DLG1: variants seen among roughly 807,000 people sequenced by gnomAD.
The protein encoded by DLG1 is discs large MAGUK scaffold protein 1, also known as disks large homolog 1.
DLG1 carries 42 observed loss-of-function variants against 123.4 expected under a neutral mutation model. That is an observed-to-expected ratio of 0.34 (90% CI 0.27 to 0.44). The LOEUF (loss-of-function observed/expected upper bound fraction) is 0.44. Ranked by LOEUF, DLG1 falls within the 20% of genes least tolerant of loss-of-function variation. The pLI is 1.00. For synonymous variants in DLG1, 317 were observed against 356.2 expected (o/e 0.89, Z 1.24); for missense variants, 942 against 1,082.6 (o/e 0.87, Z 1.82).
At chr3:197,216,498 A>G (rs563548886) in intron 4 of DLG1, among the ~76,000 whole-genome samples, 4 of 152,294 alleles carry the variant, frequency 2.6e-5, no homozygotes, top group South Asian at 4.1e-4. Context: ...TCCTCTCCCA[A>G]TGGAGTCACA....
At position 197,244,183 on chromosome 3, in the gene DLG1, A is replaced by G. The variant is rs554554383; in HGVS notation, c.318+38496T>C. On this transcript the variant is annotated intron_variant, in intron 4 of 24. Coordinates refer to ENST00000667157, the MANE Select transcript of DLG1 (RefSeq NM_001366207.1). ...ACATGAGGTAAAACTGGCATGGGGA[A>G]ATGGAAGCTTGATGGCCCTTGGGGG... is the stretch of plus-strand genomic sequence containing the variant. Among the ~76,000 whole-genome samples the G allele has an allele frequency of 5.3e-5, 8 of 152,320 alleles. No individual in the cohort carries two copies. The South Asian group carries it at 1.7e-3, about 32-fold the overall frequency.
chr3:197,214,350 G>A (rs2150428937), intron 4 of DLG1, among the ~76,000 whole-genome samples: 1 of 152,196 alleles, frequency 6.6e-6, no homozygotes, highest in African/African-American at 2.4e-5. Context: ...CGAGGTGGGA[G>A]GATCATGAGG....
intron 20 of DLG1, 78 bp downstream of exon 20, chr3:197,066,626 G>C: frequency 9.2e-7 from 1 of 1,082,302 alleles, no homozygotes; most frequent in South Asian, 1.6e-5. Flanking sequence ...CATTTTTTGG[G>C]GTATGAGAAT....
At chr3:197,053,126 A>T (rs1306692525) in intron 23 of DLG1, among the ~76,000 whole-genome samples, 1 of 152,234 alleles carries the variant, frequency 6.6e-6, no homozygotes, top group Non-Finnish European at 1.5e-5. Context: ...AAGATTGGTC[A>T]TAAGTGGATA....
chr3:197,283,872 T>C (rs2151165934), intron 3 of DLG1, among the ~76,000 whole-genome samples: 1 of 149,730 alleles, frequency 6.7e-6, no homozygotes, highest in South Asian at 2.2e-4. Context: ...TTTTTTTTTT[T>C]TTTTTTTGAG....
chr3:197,267,042 A>C (rs1013567548), intron 4 of DLG1, among the ~76,000 whole-genome samples: 2 of 152,214 alleles, frequency 1.3e-5, no homozygotes, highest in Non-Finnish European at 2.9e-5. Flanking sequence ...ACCAAATTCA[A>C]GACAGAGGTT....
intron 5 of DLG1, among the ~76,000 whole-genome samples, chr3:197,161,101 C>T (rs1235799395): frequency 6.6e-6 from 1 of 152,074 alleles, no homozygotes; most frequent in Non-Finnish European, 1.5e-5. Flanking sequence ...AATTTTACAA[C>T]AGATTTACAG....
At chr3:197,158,161 CAT>C (rs1458818050) in intron 5 of DLG1, among the ~76,000 whole-genome samples, 4 of 152,138 alleles carry the variant, frequency 2.6e-5, no homozygotes, top group Admixed American at 1.3e-4. Context: ...AAGACACACA[CAT>C]GGACAATAAG....
intron 4 of DLG1, among the ~76,000 whole-genome samples, chr3:197,248,193 T>C (rs952075087): frequency 1.3e-5 from 2 of 152,214 alleles, no homozygotes; most frequent in Non-Finnish European, 2.9e-5. Context: ...GACCAAGATA[T>C]ACTTCACCGC....
chr3:197,279,880 G>GT (rs1312312682), intron 4 of DLG1, among the ~76,000 whole-genome samples: 1 of 152,090 alleles, frequency 6.6e-6, no homozygotes, highest in African/African-American at 2.4e-5. Flanking sequence ...ATATATAATG[G>GT]TATGTATTTA....
At chr3:197,257,391 C>A (rs1164246318) in intron 4 of DLG1, among the ~76,000 whole-genome samples, 1 of 152,050 alleles carries the variant, frequency 6.6e-6, no homozygotes, top group Non-Finnish European at 1.5e-5. Flanking sequence ...ACAAACATCC[C>A]CACACACGGG....
At position 197,188,372 on chromosome 3, in the gene DLG1, ACT is replaced by A. The variant is rs112408788; in HGVS notation, c.483+6051_483+6052del. ...TTCTCCCTCTTTCATGTCACATCAT[ACT>A]GTGTTAACTATCTTTCCGTAAAAAA... is the stretch of plus-strand genomic sequence containing the variant. On this transcript the variant is annotated intron_variant, in intron 5 of 24. Coordinates refer to ENST00000667157, the MANE Select transcript of DLG1 (RefSeq NM_001366207.1). 8.0e-3 allele frequency among the ~76,000 whole-genome samples: 1,221 copies of A among 152,302 alleles called. 13 individuals are homozygous for A. Among genetic ancestry groups the A allele is most frequent in the African/African-American group, 0.027 (1,115 of 41,562 alleles).
At position 197,147,401 on chromosome 3, in the gene DLG1, T is replaced by C. The variant is rs533164633; in HGVS notation, c.537+2342A>G. On this transcript the variant is annotated intron_variant, in intron 6 of 24. Coordinates refer to ENST00000667157, the MANE Select transcript of DLG1 (RefSeq NM_001366207.1). Reference sequence around the variant, plus strand: ...TATGGAACCAGCCCAAATACCCATTTTTCCATGAGTGGATAAAAAATATAT... The same window carrying C: ...TATGGAACCAGCCCAAATACCCATTCTTCCATGAGTGGATAAAAAATATAT... Among the ~76,000 whole-genome samples the C allele has an allele frequency of 4.9e-4, 75 of 151,680 alleles. 1 individual carries two copies. In the South Asian group the frequency reaches 0.015, roughly 30 times the overall value.
At chr3:197,222,999 C>T (rs2044860) in intron 4 of DLG1, among the ~76,000 whole-genome samples, 36,557 of 152,096 alleles carry the variant, frequency 0.24, 5,503 homozygotes, top group East Asian at 0.68. Flanking sequence ...CCTTAGGCTC[C>T]GGCCTCACTG....
intron 13 of DLG1, among the ~76,000 whole-genome samples, chr3:197,114,350 A>G (rs1047696326): frequency 6.6e-6 from 1 of 152,170 alleles, no homozygotes; most frequent in Non-Finnish European, 1.5e-5. Flanking sequence ...ACAAGCAGCC[A>G]GCAAACCCCC....
At chr3:197,226,759 T>C (rs912919691) in intron 4 of DLG1, among the ~76,000 whole-genome samples, 3 of 152,222 alleles carry the variant, frequency 2.0e-5, no homozygotes, top group Non-Finnish European at 2.9e-5. Flanking sequence ...CTATACCATA[T>C]GGAAAGTTTA....
At chr3:197,150,981 A>G (rs1164901937) in intron 5 of DLG1, among the ~76,000 whole-genome samples, 1 of 152,112 alleles carries the variant, frequency 6.6e-6, no homozygotes, top group African/African-American at 2.4e-5. Flanking sequence ...CCATTAAATA[A>G]TAGTCTACCT....
intron 6 of DLG1, among the ~76,000 whole-genome samples, chr3:197,148,281 G>A (rs1220043311): frequency 4.5e-5 from 6 of 133,426 alleles, no homozygotes; most frequent in Admixed American, 1.6e-4. Context: ...ATGGTGGCAC[G>A]TGTCCGTGTT....
intron 5 of DLG1, among the ~76,000 whole-genome samples, chr3:197,162,460 A>C (rs191275820): frequency 1.3e-5 from 2 of 152,306 alleles, no homozygotes; most frequent in Non-Finnish European, 1.5e-5. Flanking sequence ...ACTAAAATCA[A>C]GCAGATGAGG....
Sources: gnomAD v4.1 joint callset for allele counts (sites outside exome capture counted in the v4.1 genomes callset) on GRCh38, gnomAD v4.1.1 for gene constraint, MANE v1.5 for transcripts, NCBI Gene and HGNC (gene_info 2026-07-23, HGNC 2026-07-21) for gene names.